Variants in GUCY1A2 observed in about 807,000 individuals in gnomAD.
The protein encoded by GUCY1A2 is guanylate cyclase 1 soluble subunit alpha 2.
Under a neutral mutation model 63.5 loss-of-function variants are expected in GUCY1A2, and 27 were observed. The ratio of observed to expected loss-of-function variants is 0.43; its 90% confidence interval spans 0.31 to 0.59. The LOEUF is 0.59. Among genes scored for constraint, GUCY1A2 ranks in the 20% least tolerant of loss-of-function variants. The pLI is 0.11. For synonymous variants in GUCY1A2, 364 were observed against 343.5 expected, an observed-to-expected ratio of 1.06 and a Z score of -0.66; for missense variants, 768 against 913.3, an observed-to-expected ratio of 0.84 and a Z score of 2.05.
At chr11:106,835,832 C>T (rs1182652559) in intron 4 of GUCY1A2, among the ~76,000 whole-genome samples, 1 of 151,702 alleles carries the variant, frequency 6.6e-6, no homozygotes, top group Non-Finnish European at 1.5e-5. Context: ...GAGACTTCTC[C>T]ATGAATAACA....
At chr11:106,853,347 AT>A (rs1398239684) in intron 4 of GUCY1A2, among the ~76,000 whole-genome samples, 1 of 151,776 alleles carries the variant, frequency 6.6e-6, no homozygotes, top group Non-Finnish European at 1.5e-5. Context: ...GCTTTTTAAA[AT>A]TTTTTTGGTT....
At chr11:106,827,778 A>G (rs973992718) in intron 4 of GUCY1A2, 7 of 1,544,412 alleles carry the variant, frequency 4.5e-6, no homozygotes, top group Non-Finnish European at 6.3e-6. Context: ...TACCAAGAGA[A>G]TATCTTCTGA....
Position 106,828,183 on chromosome 11 carries a change from GAA to G in GUCY1A2, c.1207-17707_1207-17706del, listed in dbSNP as rs754207338. On this transcript the variant is annotated intron_variant, in intron 4 of 7. Coordinates refer to ENST00000526355, the MANE Select transcript of GUCY1A2 (RefSeq NM_000855.3). ...GTTGATTTTTTTCTTTTGCTGTGCA[GAA>G]GCTTTTTAGTTTGATAAAGTCACAT... is the stretch of plus-strand genomic sequence containing the variant. Among the ~76,000 whole-genome samples, 120 of 152,204 alleles carry G rather than the reference GAA, an allele frequency of 7.9e-4. 1 individual carries two copies. Among genetic ancestry groups the G allele is most frequent in the Non-Finnish European group, 8.8e-4 (60 of 68,004 alleles).
intron 3 of GUCY1A2, among the ~76,000 whole-genome samples, chr11:106,973,412 A>G (rs889854301): frequency 7.9e-5 from 12 of 152,146 alleles, no homozygotes; most frequent in Admixed American, 7.2e-4. Context: ...AAATCTAAAG[A>G]ACAATCCTAG....
rs1403038149 is a variant in GUCY1A2 at position 106,693,406 on chromosome 11, ATCG to A, written c.1992-5653_1992-5651del. Among the ~76,000 whole-genome samples, 252 of 151,856 alleles carry A rather than the reference ATCG, an allele frequency of 1.7e-3. 4 individuals are homozygous for A. The highest frequency in any genetic ancestry group is 5.5e-3 in the African/African-American group (226 of 41,424). On this transcript the variant is annotated intron_variant, in intron 7 of 7. Coordinates refer to ENST00000526355, the MANE Select transcript of GUCY1A2 (RefSeq NM_000855.3). ...CTTTTTTATCATCATCATCATCATC[ATCG>A]TCGTCTTTCTATCTCTGGTATTGTG...
intron 4 of GUCY1A2, among the ~76,000 whole-genome samples, chr11:106,902,284 T>A (rs1860145040): frequency 6.6e-6 from 1 of 152,228 alleles, no homozygotes; most frequent in Non-Finnish European, 1.5e-5. Flanking sequence ...TGTAAGCAGA[T>A]GTGCTGTCAT....
intron 3 of GUCY1A2, among the ~76,000 whole-genome samples, chr11:106,944,072 G>A (rs1262064696): frequency 6.6e-6 from 1 of 151,358 alleles, no homozygotes; most frequent in Admixed American, 6.6e-5. Flanking sequence ...GCAGGGCATG[G>A]TGGTACATGC....
chr11:106,810,555 A>C, intron 4 of GUCY1A2, 77 bp from the exon 5 acceptor site: 1 of 1,228,502 alleles, frequency 8.1e-7, no homozygotes, highest in Non-Finnish European at 1.1e-6. Flanking sequence ...TATCTGATGA[A>C]TAGAAAGAAA....
In GUCY1A2 at chr11:107,017,933, G is replaced by A. The variant is rs1861849767; in HGVS notation, c.123C>T (p.Ser41=). Residue 41 remains serine, a synonymous_variant, in exon 1 of 8, where the codon AGC becomes AGT. Coordinates refer to ENST00000526355, the MANE Select transcript of GUCY1A2 (RefSeq NM_000855.3). The part of the protein sequence containing the change: ...LSRLCWNGSR[S]PPGPLEPSPA... ...GGCTGGGCTCCAGCGGCCCGGGCGG[G>A]CTCCGGCTGCCATTCCAGCAGAGCC... is the stretch of plus-strand genomic sequence containing the variant. 2 of 1,337,352 alleles carry A rather than the reference G, an allele frequency of 1.5e-6. No homozygotes were observed. The highest frequency in any genetic ancestry group is 1.9e-6 in the Non-Finnish European group (2 of 1,037,244). 82.8% of individuals were successfully genotyped at this position (1,337,352 alleles called of 1,614,324 possible). A position where few individuals can be genotyped will look rare whatever the true frequency, so the allele number is the denominator to read the frequency against.
chr11:106,674,621 T>C lies in GUCY1A2; in HGVS notation c.*12928A>G, dbSNP rs118013259. The C allele has an allele frequency of 1.6e-4, 30 of 186,668 alleles. No homozygotes were observed. The highest frequency in any genetic ancestry group is 3.7e-4 in the Admixed American group (6 of 16,146). 11.6% of individuals were successfully genotyped at this position (186,668 alleles called of 1,614,324 possible). A position where few individuals can be genotyped will look rare whatever the true frequency, so the allele number is the denominator to read the frequency against. The stretch of plus-strand genomic sequence containing the variant: ...GCAATTTAATCATGCCCTACATATA[T>C]ATTAGTATATTTACCTGGTATTAGT... On this transcript the variant is annotated 3_prime_UTR_variant, in exon 8 of 8. Coordinates refer to ENST00000526355, the MANE Select transcript of GUCY1A2 (RefSeq NM_000855.3).
chr11:106,913,909 T>C (rs1439090064), intron 4 of GUCY1A2, among the ~76,000 whole-genome samples: 3 of 146,242 alleles, frequency 2.1e-5, no homozygotes, highest in African/African-American at 7.6e-5. Flanking sequence ...TCGGCAACCA[T>C]CAAGCATAAC....
chr11:106,976,299 ATGT>A (rs1210990227), intron 3 of GUCY1A2, among the ~76,000 whole-genome samples: 1 of 152,114 alleles, frequency 6.6e-6, no homozygotes, highest in Non-Finnish European at 1.5e-5. Flanking sequence ...CTTGGTTGAA[ATGT>A]TGTTTTCCTG....
At chr11:106,915,231 T>C (rs911593806) in intron 4 of GUCY1A2, among the ~76,000 whole-genome samples, 1 of 152,158 alleles carries the variant, frequency 6.6e-6, no homozygotes, top group Non-Finnish European at 1.5e-5. Context: ...ACTGACTTGA[T>C]AGACAACTTT....
chr11:106,788,127 C>T (rs927577705), intron 5 of GUCY1A2, among the ~76,000 whole-genome samples: 1 of 152,138 alleles, frequency 6.6e-6, no homozygotes, highest in African/African-American at 2.4e-5. Flanking sequence ...TTGCATTTCT[C>T]TGATGATCAA....
chr11:106,934,261 C>G (rs1860645319), intron 4 of GUCY1A2, among the ~76,000 whole-genome samples: 1 of 152,166 alleles, frequency 6.6e-6, no homozygotes, highest in African/African-American at 2.4e-5. Flanking sequence ...AATCATGTCT[C>G]AGCTCTGCTA....
rs1862532339 is a variant in GUCY1A2, at chr11:106,686,717, A to C, written c.*832T>G. ...ATATTTGTTAGAAGGTGGCAAAAAGACCTTTCTTTAATCTTGGTTACAGAT... is the reference window on the plus strand; with the variant it reads ...ATATTTGTTAGAAGGTGGCAAAAAGCCCTTTCTTTAATCTTGGTTACAGAT... On this transcript the variant is annotated 3_prime_UTR_variant, in exon 8 of 8. Coordinates refer to ENST00000526355, the MANE Select transcript of GUCY1A2 (RefSeq NM_000855.3). 1 of 206,576 alleles carries C rather than the reference A, an allele frequency of 4.8e-6. No homozygotes were observed. 12.8% of individuals were successfully genotyped at this position (206,576 alleles called of 1,614,324 possible).
In GUCY1A2 at chr11:106,680,523, T is replaced by C; in HGVS notation, c.*7026A>G. The C allele has an allele frequency of 5.0e-6, 1 of 198,108 alleles. No homozygotes were observed. Among genetic ancestry groups the C allele is most frequent in the Non-Finnish European group, 1.0e-5 (1 of 95,850 alleles). The allele number at this position is 198,108 out of a possible 1,614,324, so 12.3% of individuals were successfully genotyped here. ...CTTAAGTCTAATATAAAGAATGATC[T>C]GATCAGCAACTAGCTGAATTAACTG... On this transcript the variant is annotated 3_prime_UTR_variant, in exon 8 of 8. Transcript: ENST00000526355.
chr11:106,977,343 A>G (rs974894096), intron 3 of GUCY1A2, among the ~76,000 whole-genome samples: 2 of 152,202 alleles, frequency 1.3e-5, no homozygotes, highest in African/African-American at 4.8e-5. Context: ...TTCTCCAGTC[A>G]TAAGATTTAC....
Position 106,746,660 on chromosome 11 carries a change from G to A in GUCY1A2, c.1836+29779C>T, listed in dbSNP as rs544554207. The A allele has an allele frequency of 1.3e-4, 180 of 1,433,476 alleles. 4 individuals carry two copies. In the African/African-American group the frequency reaches 1.7e-3, roughly 13 times the overall value. The allele number at this position is 1,433,476 out of a possible 1,614,324, so 88.8% of individuals were successfully genotyped here. ...CCTCTGGGGCTTGAAAAGTCACACC[G>A]AGACACCAAGTGAATCAAGGGACAA... On this transcript the variant is annotated intron_variant, in intron 6 of 7. Transcript: ENST00000526355.
Sources: allele counts gnomAD v4.1 joint callset (sites outside exome capture counted in the v4.1 genomes callset), GRCh38; gene constraint gnomAD v4.1.1; transcripts MANE v1.5; gene names NCBI Gene and HGNC (gene_info 2026-07-23, HGNC 2026-07-21).